Variants in WDR44 observed in about 807,000 individuals in gnomAD.
WDR44 encodes WD repeat domain 44.
WDR44 carries 9 observed loss-of-function variants against 65.7 expected under a neutral mutation model. That is an observed-to-expected ratio of 0.14 (90% confidence interval 0.08 to 0.24). WDR44 has a LOEUF of 0.24. WDR44 is among the 10% of genes least tolerant of loss of function. WDR44 has a pLI of 1.00. For missense variants in WDR44, 425 were observed against 670.9 expected (o/e 0.63, Z 4.05); for synonymous variants, 220 against 235.2 (o/e 0.94, Z 0.59).
At chrX:118,430,945 C>A (rs1191198796) in intron 12 of WDR44, among the ~76,000 whole-genome samples, 1 of 112,064 alleles carries the variant, frequency 8.9e-6, no homozygotes, top group Non-Finnish European at 1.9e-5. Context: ...AGTCATCTAG[C>A]ATTAGAAGTG....
At chrX:118,394,310 A>C in intron 5 of WDR44, 125 bp downstream of exon 5, 1 of 966,842 alleles carries the variant, frequency 1.0e-6, no homozygotes, top group South Asian at 2.6e-5. Flanking sequence ...TGACCCCCTT[A>C]CTTCTCTTGA....
chrX:118,447,032 A>ATT (rs72106099), intron 19 of WDR44: 834 of 273,430 alleles, frequency 3.1e-3, no homozygotes, highest in East Asian at 4.3e-3. Context: ...TGCCTGGCTA[A>ATT]TTTTTTTTTT....
chrX:118,393,410 T>A (rs1484492754), intron 4 of WDR44, 139 bp downstream of exon 4: 5 of 630,794 alleles, frequency 7.9e-6, no homozygotes, highest in African/African-American at 2.3e-5. Flanking sequence ...CAAAACCCCA[T>A]CTGAGCAACA....
rs745843408 is a variant in WDR44, at chrX:118,377,293, G to A, written c.78-1126G>A. On this transcript the variant is annotated intron_variant, in intron 1 of 19. Coordinates refer to ENST00000254029, the MANE Select transcript of WDR44 (RefSeq NM_019045.5). ...GAGGATCGCTTGAGACCAGGAGGTC[G>A]AGGCTGCAGTGAGCCAAGATCACAC... Among the ~76,000 whole-genome samples, 10 of 110,676 alleles carry A rather than the reference G, an allele frequency of 9.0e-5. No homozygotes were observed. The East Asian group carries it at 2.3e-3, about 25-fold the overall frequency.
At position 118,407,502 on chromosome X, in the gene WDR44, C is replaced by CAAA. The variant is rs11423108; in HGVS notation, c.1533+490_1533+492dup. ...GGCTACAGAGTAAAAAACTCCGTCT[C>CAAA]AAAAAAAAAAAAAAAAGAAAGAAAG... On this transcript the variant is annotated intron_variant, in intron 10 of 19. Transcript: ENST00000254029. 5.3e-5 allele frequency among the ~76,000 whole-genome samples: 3 copies of CAAA among 56,943 alleles called. No homozygotes were observed. The East Asian group carries it at 1.5e-3, about 29-fold the overall frequency. 49.4% of individuals were successfully genotyped at this position (56,943 alleles called of 115,157 possible).
At chrX:118,400,401 T>G (rs1292973654) in intron 8 of WDR44, among the ~76,000 whole-genome samples, 1 of 111,696 alleles carries the variant, frequency 9.0e-6, no homozygotes, top group African/African-American at 3.3e-5. Context: ...TTAGGGAACA[T>G]TAAGTGCCAT....
At chrX:118,427,869 G>GTT (rs1468191905) in intron 12 of WDR44, among the ~76,000 whole-genome samples, 1 of 106,404 alleles carries the variant, frequency 9.4e-6, no homozygotes, top group East Asian at 3.1e-4. Flanking sequence ...TAGAGACGGG[G>GTT]TTTCACCGTG....
At chrX:118,442,508 TAGC>T in intron 16 of WDR44, 54 bp from the exon 17 acceptor site, 3 of 1,093,531 alleles carry the variant, frequency 2.7e-6, no homozygotes, top group Admixed American at 2.3e-5. Flanking sequence ...TTTTGGGTTG[TAGC>T]TTAGCTTGTA....
intron 1 of WDR44, among the ~76,000 whole-genome samples, chrX:118,349,596 C>T (rs1267939624): frequency 1.7e-4 from 18 of 105,194 alleles, no homozygotes; most frequent in African/African-American, 5.3e-4. Context: ...CTCGCTCTGT[C>T]GCCCAGGCTG....
chrX:118,440,733 AT>A (rs1849397367), intron 14 of WDR44, among the ~76,000 whole-genome samples: 1 of 111,317 alleles, frequency 9.0e-6, no homozygotes, highest in Non-Finnish European at 1.9e-5. Flanking sequence ...GTAACCCAGA[AT>A]TTCTCAAACT....
intron 1 of WDR44, among the ~76,000 whole-genome samples, chrX:118,349,375 C>T (rs1389238933): frequency 9.3e-6 from 1 of 107,955 alleles, no homozygotes; most frequent in Non-Finnish European, 1.9e-5. Flanking sequence ...GCATACCACC[C>T]TGCTCAGCTA....
At chrX:118,417,889 TTTTC>T (rs1291891929) in intron 12 of WDR44, among the ~76,000 whole-genome samples, 3 of 112,067 alleles carry the variant, frequency 2.7e-5, no homozygotes, top group Non-Finnish European at 3.8e-5. Context: ...TCTTATTCTT[TTTTC>T]TTTGTCTTTG....
chrX:118,367,916 T>C (rs2056567976), intron 1 of WDR44, among the ~76,000 whole-genome samples: 1 of 111,550 alleles, frequency 9.0e-6, no homozygotes, highest in Non-Finnish European at 1.9e-5. Flanking sequence ...CTAGGTGACA[T>C]CAGTAGGTAA....
intron 1 of WDR44, among the ~76,000 whole-genome samples, chrX:118,365,761 C>G (rs1166408660): frequency 8.9e-6 from 1 of 111,811 alleles, no homozygotes; most frequent in Non-Finnish European, 1.9e-5. Context: ...GTTAATCTTG[C>G]ATGATTGGCT....
At chrX:118,440,797 A>G (rs1185957514) in intron 14 of WDR44, among the ~76,000 whole-genome samples, 1 of 111,306 alleles carries the variant, frequency 9.0e-6, no homozygotes, top group Non-Finnish European at 1.9e-5. Flanking sequence ...CACTTTATCT[A>G]TTGACATCCA....
intron 1 of WDR44, among the ~76,000 whole-genome samples, chrX:118,347,963 ATTTTTG>A (rs2056367803): frequency 9.1e-6 from 1 of 110,083 alleles, no homozygotes; most frequent in Admixed American, 9.8e-5. Context: ...GTGAAACTTA[ATTTTTG>A]TGTGTGTGGT....
At chrX:118,434,764 T>C (rs997329785) in intron 13 of WDR44, among the ~76,000 whole-genome samples, 1 of 111,951 alleles carries the variant, frequency 8.9e-6, no homozygotes, top group African/African-American at 3.2e-5. Flanking sequence ...GAACCAGATA[T>C]TATTTTACTG....
intron 14 of WDR44, 150 bp from the exon 15 acceptor site, chrX:118,441,218 C>T: frequency 2.1e-6 from 1 of 473,512 alleles, no homozygotes; most frequent in Non-Finnish European, 3.4e-6. Context: ...TGGCCTCCCC[C>T]AAAGTGCTAG....
chrX:118,402,347 A>G (rs1436603869), intron 8 of WDR44, among the ~76,000 whole-genome samples: 1 of 101,041 alleles, frequency 9.9e-6, no homozygotes, highest in Admixed American at 1.1e-4. Context: ...AAGCAGGAGA[A>G]TTGCTTGAAC....
Sources: allele counts gnomAD v4.1 joint callset (sites outside exome capture counted in the v4.1 genomes callset), GRCh38; gene constraint gnomAD v4.1.1; transcripts MANE v1.5; gene names NCBI Gene and HGNC (gene_info 2026-07-23, HGNC 2026-07-21).